Variants in RCAN2 observed in about 807,000 individuals in gnomAD.
The protein encoded by RCAN2 is regulator of calcineurin 2.
RCAN2 carries 9 observed loss-of-function variants against 23.6 expected under a neutral mutation model. The ratio of observed to expected loss-of-function variants is 0.38; its 90% CI spans 0.23 to 0.67. RCAN2 has a LOEUF of 0.67. RCAN2 is among the 30% of genes least tolerant of loss of function. The probability of loss-of-function intolerance (pLI) is 0.51; values close to 1 mark genes in which losing one functional copy is unlikely to be tolerated. For synonymous variants in RCAN2, 109 were observed against 115.7 expected (o/e 0.94, Z 0.37); for missense variants, 273 against 302.3 (o/e 0.90, Z 0.72).
chr6:46,450,733 T>C (rs577256732), intron 2 of RCAN2, among the ~76,000 whole-genome samples: 2 of 152,016 alleles, frequency 1.3e-5, no homozygotes, highest in Admixed American at 1.3e-4. Flanking sequence ...AGGATAAAAA[T>C]GTCAGACACA....
Position 46,427,882 on chromosome 6 carries a change from G to T in RCAN2, c.225+28870C>A, listed in dbSNP as rs143273427. Among the ~76,000 whole-genome samples, 3 of 152,342 alleles carry T rather than the reference G, an allele frequency of 2.0e-5. No homozygotes were observed. In the East Asian group the frequency reaches 5.8e-4, roughly 29 times the overall value. On this transcript the variant is annotated intron_variant, in intron 2 of 4. Transcript: ENST00000371374. ...TTGATGAGAGCCTTGATTTACTAAG[G>T]ACCACGTTTCAGCTACAGGATGAAT...
intron 2 of RCAN2, among the ~76,000 whole-genome samples, chr6:46,295,990 A>C (rs1762713556): frequency 6.6e-6 from 1 of 151,116 alleles, no homozygotes; most frequent in South Asian, 2.1e-4. Flanking sequence ...ATGTTCATCG[A>C]TTATAAGGGC....
chr6:46,457,434 T>C (rs914805171), intron 1 of RCAN2, among the ~76,000 whole-genome samples: 1 of 152,154 alleles, frequency 6.6e-6, no homozygotes, highest in Non-Finnish European at 1.5e-5. Context: ...AAGAAAGCAA[T>C]TAAGTAACTT....
chr6:46,481,633 T>C (rs532134165), intron 1 of RCAN2, among the ~76,000 whole-genome samples: 15 of 152,328 alleles, frequency 9.8e-5, no homozygotes, highest in East Asian at 7.7e-4. Context: ...GATTTATTTA[T>C]AAACAACTTG....
At chr6:46,400,476 T>C (rs927631710) in intron 2 of RCAN2, among the ~76,000 whole-genome samples, 13 of 152,174 alleles carry the variant, frequency 8.5e-5, no homozygotes, top group Admixed American at 2.6e-4. Context: ...ATCTGGCTAG[T>C]AAAAACCATA....
At chr6:46,244,793 A>C (rs1766453669) in intron 4 of RCAN2, among the ~76,000 whole-genome samples, 2 of 152,192 alleles carry the variant, frequency 1.3e-5, no homozygotes, top group South Asian at 4.1e-4. Flanking sequence ...TCTAGCCAAG[A>C]CCTTAGTGAT....
chr6:46,234,573 A>G (rs930160669), intron 4 of RCAN2, among the ~76,000 whole-genome samples: 4 of 152,210 alleles, frequency 2.6e-5, no homozygotes, highest in Admixed American at 2.6e-4. Flanking sequence ...GGGTTGACCC[A>G]TCACATGCTC....
intron 2 of RCAN2, among the ~76,000 whole-genome samples, chr6:46,410,840 C>A (rs1766532045): frequency 6.6e-6 from 1 of 152,180 alleles, no homozygotes; most frequent in Non-Finnish European, 1.5e-5. Flanking sequence ...AGCTATCTAT[C>A]AATTTCAAAG....
chr6:46,294,034 T>C (rs534679833), intron 2 of RCAN2, among the ~76,000 whole-genome samples: 7 of 152,288 alleles, frequency 4.6e-5, no homozygotes, highest in Non-Finnish European at 7.4e-5. Context: ...GGCGTGATGA[T>C]TGGGGCACCG....
intron 2 of RCAN2, among the ~76,000 whole-genome samples, chr6:46,351,998 C>T (rs1158627046): frequency 6.6e-6 from 1 of 152,140 alleles, no homozygotes. Context: ...AAGACACGCA[C>T]CTTTAAAATA....
chr6:46,486,805 C>T (rs1769001595), intron 1 of RCAN2, among the ~76,000 whole-genome samples: 1 of 152,102 alleles, frequency 6.6e-6, no homozygotes, highest in Non-Finnish European at 1.5e-5. Context: ...TTTCTGTGGG[C>T]ATTCTGAACT....
At chr6:46,394,893 T>C (rs1766045122) in intron 2 of RCAN2, among the ~76,000 whole-genome samples, 1 of 152,186 alleles carries the variant, frequency 6.6e-6, no homozygotes, top group African/African-American at 2.4e-5. Context: ...AGGAATCTTA[T>C]ATTTTGAAGG....
chr6:46,262,880 A>G (rs1013605819), intron 2 of RCAN2, among the ~76,000 whole-genome samples: 1 of 152,154 alleles, frequency 6.6e-6, no homozygotes, highest in African/African-American at 2.4e-5. Flanking sequence ...CTTTTCCTCC[A>G]GATAACTTTC....
At chr6:46,345,345 T>C (rs1237155030) in intron 2 of RCAN2, among the ~76,000 whole-genome samples, 1 of 151,948 alleles carries the variant, frequency 6.6e-6, no homozygotes, top group Admixed American at 6.6e-5. Flanking sequence ...AGAAAAAAAA[T>C]AAAAATCAGA....
chr6:46,418,701 A>G lies in RCAN2; in HGVS notation c.225+38051T>C, dbSNP rs1201641050. On this transcript the variant is annotated intron_variant, in intron 2 of 4. Coordinates refer to ENST00000371374, the MANE Select transcript of RCAN2 (RefSeq NM_001251974.2). ...CTCTAAAATATGTGTGTGTGTATATATATATATATATATATATATATATAT... is the reference window on the plus strand; with the variant it reads ...CTCTAAAATATGTGTGTGTGTATATGTATATATATATATATATATATATAT... Among the ~76,000 whole-genome samples, 586 of 92,880 alleles carry G rather than the reference A, an allele frequency of 6.3e-3. 2 individuals are homozygous for G. The highest frequency in any genetic ancestry group is 9.1e-3 in the Non-Finnish European group (440 of 48,472). The allele number at this position is 92,880 out of a possible 152,430, so 60.9% of individuals were successfully genotyped here.
chr6:46,465,212 G>A (rs1256497233), intron 1 of RCAN2, among the ~76,000 whole-genome samples: 3 of 152,162 alleles, frequency 2.0e-5, no homozygotes, highest in South Asian at 4.1e-4. Context: ...AGGGGTGTGA[G>A]GGTGACAAAG....
intron 2 of RCAN2, among the ~76,000 whole-genome samples, chr6:46,344,159 T>C (rs931158252): frequency 6.6e-6 from 1 of 152,200 alleles, no homozygotes; most frequent in African/African-American, 2.4e-5. Flanking sequence ...AATTTGCTAG[T>C]AATCATTGAG....
chr6:46,335,821 G>A (rs1183528830), intron 2 of RCAN2, among the ~76,000 whole-genome samples: 1 of 152,106 alleles, frequency 6.6e-6, no homozygotes, highest in Non-Finnish European at 1.5e-5. Flanking sequence ...ATTAACTTAT[G>A]TTATCTCAGT....
chr6:46,418,607 T>G (rs547471387), intron 2 of RCAN2, among the ~76,000 whole-genome samples: 1 of 151,194 alleles, frequency 6.6e-6, no homozygotes, highest in South Asian at 2.1e-4. Flanking sequence ...AGGAGCCAGC[T>G]CCCATCCACT....
Sources: gnomAD v4.1 joint callset for allele counts (sites outside exome capture counted in the v4.1 genomes callset) on GRCh38, gnomAD v4.1.1 for gene constraint, MANE v1.5 for transcripts, NCBI Gene and HGNC (gene_info 2026-07-23, HGNC 2026-07-21) for gene names.